Variants in RFX3 observed in about 807,000 individuals in gnomAD.
RFX3 encodes the protein regulatory factor X3, also known as transcription factor RFX3.
A neutral mutation model predicts 98.6 loss-of-function variants in RFX3; 14 were observed. The observed-to-expected ratio is 0.14, with a 90% confidence interval of 0.09 to 0.22. RFX3 has a LOEUF of 0.22. Among genes scored for constraint, RFX3 ranks in the 10% least tolerant of loss-of-function variants. The probability of loss-of-function intolerance (pLI) is 1.00; values close to 1 mark genes in which losing one functional copy is unlikely to be tolerated. For synonymous variants in RFX3, 383 were observed against 328.4 expected (o/e 1.17, Z -1.80); for missense variants, 639 against 926.9 (o/e 0.69, Z 4.03).
At chr9:3,424,582 G>A (rs925486570) in intron 1 of RFX3, among the ~76,000 whole-genome samples, 4 of 151,452 alleles carry the variant, frequency 2.6e-5, no homozygotes, top group South Asian at 2.1e-4. Context: ...GGATGGTCTC[G>A]ATCTCCTGAC....
chr9:3,492,557 A>C (rs988924338), intron 1 of RFX3, among the ~76,000 whole-genome samples: 2 of 152,196 alleles, frequency 1.3e-5, no homozygotes, highest in African/African-American at 4.8e-5. Flanking sequence ...CTCATGACAG[A>C]TGGAGATTCA....
chr9:3,456,523 T>C (rs958922786), intron 1 of RFX3, among the ~76,000 whole-genome samples: 4 of 151,790 alleles, frequency 2.6e-5, no homozygotes, highest in Non-Finnish European at 4.4e-5. Flanking sequence ...AAGTCCATGA[T>C]AAAAATGATT....
chr9:3,473,337 C>G (rs745722606), intron 1 of RFX3, among the ~76,000 whole-genome samples: 2 of 152,134 alleles, frequency 1.3e-5, no homozygotes, highest in Non-Finnish European at 2.9e-5. Context: ...CTACTGGGTT[C>G]TCTTATTTCT....
intron 1 of RFX3, among the ~76,000 whole-genome samples, chr9:3,508,599 C>T (rs114071279): frequency 0.017 from 2,617 of 151,970 alleles, 84 homozygotes; most frequent in African/African-American, 0.059. Flanking sequence ...ATCATACTTT[C>T]GTTTATTACA....
At chr9:3,411,495 AC>A (rs1842464317) in intron 1 of RFX3, among the ~76,000 whole-genome samples, 1 of 151,640 alleles carries the variant, frequency 6.6e-6, no homozygotes, top group Non-Finnish European at 1.5e-5. Flanking sequence ...GATTACAGGC[AC>A]CCGCCACCAG....
intron 13 of RFX3, among the ~76,000 whole-genome samples, chr9:3,259,800 A>T (rs1311943239): frequency 6.6e-6 from 1 of 152,088 alleles, no homozygotes. Context: ...AGTAGTGAAA[A>T]GTGATATATG....
intron 1 of RFX3, among the ~76,000 whole-genome samples, chr9:3,508,627 G>C (rs1315833375): frequency 6.6e-6 from 1 of 151,816 alleles, no homozygotes; most frequent in Non-Finnish European, 1.5e-5. Flanking sequence ...TTTTGTTGAA[G>C]GTGAGGCTAA....
intron 1 of RFX3, among the ~76,000 whole-genome samples, chr9:3,488,452 C>T (rs540000120): frequency 1.2e-4 from 19 of 152,108 alleles, no homozygotes; most frequent in Admixed American, 7.2e-4. Context: ...ATCATGAAAA[C>T]TCAGTGATAA....
At chr9:3,295,572 G>A (rs1481023485) in intron 5 of RFX3, among the ~76,000 whole-genome samples, 2 of 152,068 alleles carry the variant, frequency 1.3e-5, no homozygotes, top group Admixed American at 6.6e-5. Context: ...AAACAGAGTA[G>A]TATTTTTCAA....
At chr9:3,487,285 G>C (rs999028870) in intron 1 of RFX3, among the ~76,000 whole-genome samples, 2 of 152,040 alleles carry the variant, frequency 1.3e-5, no homozygotes. Flanking sequence ...CAAAGAATGA[G>C]GATATTTACT....
rs1822233701 is a variant in RFX3 at position 3,257,056 on chromosome 9, G to T, written c.1749C>A (p.Pro583=). The stretch of plus-strand genomic sequence containing the variant: ...TAGGAAAACTGGGTCTTCCTTCATA[G>T]GGTTTCAGTGCTTGCATCATCACAT... ...LDNVMMQALK[P]YEGRPSFPKA... is the part of the protein sequence containing the mutation. Residue 583 remains proline, a synonymous_variant, in exon 14 of 17, where the codon CCC becomes CCA. Transcript: ENST00000617270. The T allele has an allele frequency of 6.2e-7, 1 of 1,613,998 alleles. No homozygotes were observed. The highest frequency in any genetic ancestry group is 1.3e-5 in the African/African-American group (1 of 74,990).
rs542562402 is a variant in RFX3 at position 3,360,985 on chromosome 9, A to G, written c.118-14221T>C. Among the ~76,000 whole-genome samples, 7 of 152,316 alleles carry G rather than the reference A, an allele frequency of 4.6e-5. No homozygotes were observed. The East Asian group carries it at 1.4e-3, about 29-fold the overall frequency. ...TGTCAAGGCCTTCATTGCCTTTCAC[A>G]CAGAAGAGCATTTCTTACACATTTG... is the stretch of plus-strand genomic sequence containing the variant. On this transcript the variant is annotated intron_variant, in intron 2 of 16. Transcript: ENST00000617270.
intron 8 of RFX3, among the ~76,000 whole-genome samples, chr9:3,276,164 G>A (rs971446371): frequency 6.6e-6 from 1 of 152,052 alleles, no homozygotes; most frequent in Non-Finnish European, 1.5e-5. Context: ...ATTGACTGCC[G>A]CAGCACAGGA....
At chr9:3,505,444 T>TAAA (rs1430484594) in intron 1 of RFX3, among the ~76,000 whole-genome samples, 1 of 332 alleles carries the variant, frequency 3.0e-3, no homozygotes, top group African/African-American at 0.01. Context: ...ATATTTTATA[T>TAAA]TTATATAAAA....
intron 3 of RFX3, among the ~76,000 whole-genome samples, chr9:3,344,461 T>G (rs1429572526): frequency 6.6e-6 from 1 of 152,124 alleles, no homozygotes; most frequent in African/African-American, 2.4e-5. Flanking sequence ...TTGGGAGTAT[T>G]TCGGATTTCA....
chr9:3,266,088 A>G (rs1301250969), intron 12 of RFX3, 120 bp downstream of exon 12: 1 of 516,180 alleles, frequency 1.9e-6, no homozygotes, highest in East Asian at 3.0e-5. Flanking sequence ...CAGTTTTAAA[A>G]GATGATGTAT....
At chr9:3,420,269 T>C (rs1436536403) in intron 1 of RFX3, among the ~76,000 whole-genome samples, 1 of 152,128 alleles carries the variant, frequency 6.6e-6, no homozygotes, top group African/African-American at 2.4e-5. Flanking sequence ...GGCTGAGTAC[T>C]AACAGGACAT....
intron 1 of RFX3, among the ~76,000 whole-genome samples, chr9:3,497,744 G>A (rs1455986282): frequency 6.6e-6 from 1 of 151,916 alleles, no homozygotes; most frequent in African/African-American, 2.4e-5. Flanking sequence ...CCATTTACTT[G>A]TTCTATGCCA....
At chr9:3,331,422 T>C (rs1010745560) in intron 3 of RFX3, among the ~76,000 whole-genome samples, 1 of 152,192 alleles carries the variant, frequency 6.6e-6, no homozygotes, top group African/African-American at 2.4e-5. Flanking sequence ...AAATACTAAG[T>C]TCTCAAGAAG....
Sources: allele counts gnomAD v4.1 joint callset (sites outside exome capture counted in the v4.1 genomes callset), GRCh38; gene constraint gnomAD v4.1.1; transcripts MANE v1.5; gene names NCBI Gene and HGNC (gene_info 2026-07-23, HGNC 2026-07-21).